The following SNAP47 variants were observed in gnomAD, a reference collection of about 807,000 sequenced individuals.
SNAP47 encodes the protein synaptosome associated protein 47.
In SNAP47, 20 loss-of-function variants were observed where a neutral mutation model predicts 31.4. The ratio of observed to expected loss-of-function variants is 0.64; its 90% CI spans 0.45 to 0.93. SNAP47 has a LOEUF of 0.93. SNAP47 is among the 40% of genes least tolerant of loss of function. The pLI, the probability that SNAP47 is intolerant of heterozygous loss-of-function variation, is 0.00. For synonymous variants in SNAP47, 194 were observed against 213.4 expected (o/e 0.91, Z 0.79); for missense variants, 492 against 528.5 (o/e 0.93, Z 0.68).
chr1:227,745,680 A>G (rs1661915984), intron 1 of SNAP47: 1 of 152,142 alleles, frequency 6.6e-6, no homozygotes, highest in Non-Finnish European at 1.5e-5. Context: ...GGTGGATGCT[A>G]CACACATGGT....
intron 3 of SNAP47, among the ~76,000 whole-genome samples, chr1:227,761,692 G>A (rs2102960009): frequency 1.3e-5 from 2 of 152,302 alleles, no homozygotes; most frequent in South Asian, 4.1e-4. Flanking sequence ...CTGTGGACTG[G>A]TGGTGTGGGG....
intron 4 of SNAP47, chr1:227,770,754 T>C (rs1046754836): frequency 2.0e-5 from 3 of 153,666 alleles, no homozygotes; most frequent in Non-Finnish European, 4.4e-5. Context: ...ACAGAGTGTC[T>C]CCCTAGTACT....
Position 227,756,522 on chromosome 1 carries a change from G to A in SNAP47, c.498-2473G>A, listed in dbSNP as rs186235045. On this transcript the variant is annotated intron_variant, in intron 2 of 4. Transcript: ENST00000617596. The stretch of plus-strand genomic sequence containing the variant: ...TGATACACAGAATATTTCTGGACCC[G>A]GCCCCGGCCATTTAGATCAGGCTCC... 5.6e-4 allele frequency among the ~76,000 whole-genome samples: 86 copies of A among 152,350 alleles called. 1 individual carries two copies. Among genetic ancestry groups the A allele is most frequent in the Admixed American group, 1.6e-3 (25 of 15,308 alleles).
At chr1:227,758,699 C>G (rs1358480245) in intron 2 of SNAP47, among the ~76,000 whole-genome samples, 1 of 152,182 alleles carries the variant, frequency 6.6e-6, no homozygotes, top group Non-Finnish European at 1.5e-5. Context: ...TGACCCAGAT[C>G]AAGGCAGCAG....
intron 4 of SNAP47, among the ~76,000 whole-genome samples, chr1:227,775,321 C>T (rs1664090146): frequency 6.6e-6 from 1 of 152,210 alleles, no homozygotes; most frequent in Non-Finnish European, 1.5e-5. Flanking sequence ...CTTGATTTAT[C>T]CCAGCTCTGT....
chr1:227,733,982 T>C (rs762859044), upstream of SNAP47: 32 of 1,613,610 alleles, frequency 2.0e-5, no homozygotes, highest in Non-Finnish European at 2.5e-5. Flanking sequence ...ATTCAGCCAG[T>C]CGGACGAGAA....
At chr1:227,728,505 G>C (rs1384996741), upstream of SNAP47, 3 of 81,594 alleles carry the variant, frequency 3.7e-5, no homozygotes, top group African/African-American at 1.4e-4. Flanking sequence ...TGGCTCTCCC[G>C]CCCCGGTCCC....
Position 227,780,722 on chromosome 1 carries a change from A to G in SNAP47, c.*49A>G. The G allele has an allele frequency of 6.2e-7, 1 of 1,609,270 alleles. No homozygotes were observed. The highest frequency in any genetic ancestry group is 2.2e-5 in the East Asian group (1 of 44,810). ...GTCTCACCCTGCACATCCCGCTGAG[A>G]TGGAGGGCTGGGCGGCAGTGCCAGG... On this transcript the variant is annotated 3_prime_UTR_variant, in exon 5 of 5. Coordinates refer to ENST00000617596, the MANE Select transcript of SNAP47 (RefSeq NM_053052.4).
intron 1 of SNAP47, among the ~76,000 whole-genome samples, chr1:227,738,888 C>T (rs994229192): frequency 3.3e-5 from 5 of 152,326 alleles, no homozygotes; most frequent in African/African-American, 1.2e-4. Flanking sequence ...AGCAGGTCCA[C>T]AGCTCCCTGA....
At chr1:227,775,658 C>T in intron 4 of SNAP47, 1 of 892,358 alleles carries the variant, frequency 1.1e-6, no homozygotes, top group Non-Finnish European at 1.5e-6. Context: ...ATGGTGCGCG[C>T]ATGGACACAC....
chr1:227,752,960 T>C (rs1208339326), intron 2 of SNAP47, among the ~76,000 whole-genome samples: 2 of 152,204 alleles, frequency 1.3e-5, no homozygotes, highest in Non-Finnish European at 1.5e-5. Context: ...AGCTGTTGAG[T>C]CCCAGAGTGA....
chr1:227,732,296 C>A (rs748243112), upstream of SNAP47: 8 of 1,424,436 alleles, frequency 5.6e-6, no homozygotes, highest in African/African-American at 5.6e-5. Context: ...CAGGGGTGGG[C>A]CCCAGGTCAC....
chr1:227,739,036 A>G lies in SNAP47; in HGVS notation c.-46+3537A>G, dbSNP rs145346919. On this transcript the variant is annotated intron_variant, in intron 1 of 4. Coordinates refer to ENST00000617596, the MANE Select transcript of SNAP47 (RefSeq NM_053052.4). The stretch of plus-strand genomic sequence containing the variant: ...GTATACGCAGGAGGCCTGGAGTGTT[A>G]TCAGCTCTCATGGGACTGGAACATA... Among the ~76,000 whole-genome samples, 779 of 152,246 alleles carry G rather than the reference A, an allele frequency of 5.1e-3. 9 individuals are homozygous for G. Among genetic ancestry groups the G allele is most frequent in the African/African-American group, 0.018 (752 of 41,534 alleles).
chr1:227,778,713 G>T (rs1253288375), intron 4 of SNAP47, among the ~76,000 whole-genome samples: 3 of 152,202 alleles, frequency 2.0e-5, no homozygotes, highest in Non-Finnish European at 4.4e-5. Flanking sequence ...CACAATTTGG[G>T]TGTGGGCCAC....
chr1:227,767,195 C>A, intron 4 of SNAP47, 112 bp downstream of exon 4: 2 of 1,469,050 alleles, frequency 1.4e-6, no homozygotes, highest in South Asian at 1.3e-5. Flanking sequence ...TCCGTATTGG[C>A]CTCGCACCAA....
At chr1:227,760,039 G>A (rs566790644) in intron 3 of SNAP47, among the ~76,000 whole-genome samples, 1 of 152,210 alleles carries the variant, frequency 6.6e-6, no homozygotes, top group South Asian at 2.1e-4. Context: ...GGAAGCCAGG[G>A]CATGCCCTTG....
intron 4 of SNAP47, chr1:227,776,710 C>A: frequency 1.0e-5 from 10 of 985,500 alleles, no homozygotes; most frequent in Non-Finnish European, 1.2e-5. Flanking sequence ...CACTCCAGGA[C>A]ACTAGCAGTT....
intron 1 of SNAP47, among the ~76,000 whole-genome samples, chr1:227,747,474 G>A (rs574521232): frequency 1.3e-5 from 2 of 152,154 alleles, no homozygotes; most frequent in Non-Finnish European, 2.9e-5. Flanking sequence ...GGACTCAGGG[G>A]TCCTGGTTCC....
chr1:227,733,459 C>T (rs1283152837), upstream of SNAP47: 3 of 1,589,738 alleles, frequency 1.9e-6, no homozygotes, highest in South Asian at 2.3e-5. Context: ...CAAACACCAT[C>T]TCGCCCGCTT....
Sources: allele counts gnomAD v4.1 joint callset (sites outside exome capture counted in the v4.1 genomes callset), GRCh38; gene constraint gnomAD v4.1.1; transcripts MANE v1.5; gene names NCBI Gene and HGNC (gene_info 2026-07-23, HGNC 2026-07-21).